Variants in PGBD5 observed in about 807,000 individuals in gnomAD.
PGBD5 encodes the protein piggyBac transposable element derived 5.
In PGBD5, 14 loss-of-function variants were observed where a neutral mutation model predicts 47.9. That is an observed-to-expected ratio of 0.29 (90% confidence interval 0.19 to 0.46). The LOEUF is 0.46. PGBD5 is among the 20% of genes least tolerant of loss of function. The probability of loss-of-function intolerance (pLI) is 1.00; values close to 1 mark genes in which losing one functional copy is unlikely to be tolerated. For missense variants in PGBD5, 635 were observed against 716.0 expected (o/e 0.89, Z 1.29); for synonymous variants, 316 against 306.3 (o/e 1.03, Z -0.33).
In PGBD5 at chr1:230,314,554, C is replaced by T. The variant is rs1311308649; in HGVS notation, c.*8871G>A. 2 of 148,070 alleles carry T rather than the reference C, an allele frequency of 1.4e-5. No homozygotes were observed. The highest frequency in any genetic ancestry group is 4.9e-5 in the African/African-American group (2 of 40,512). 9.2% of individuals were successfully genotyped at this position (148,070 alleles called of 1,614,324 possible). ...ACAAACTTGGTTGAAGAAATAAGAA[C>T]CACATGACAAAATGCTTGAATTAAA... On this transcript the variant is annotated 3_prime_UTR_variant, in exon 7 of 7. Transcript: ENST00000391860.
At chr1:230,411,782 C>T (rs535262382) in intron 1 of PGBD5, among the ~76,000 whole-genome samples, 2 of 152,234 alleles carry the variant, frequency 1.3e-5, no homozygotes, top group Non-Finnish European at 1.5e-5. Context: ...ATCCCAGGAA[C>T]ATAAGGGTAC....
chr1:230,332,556 G>A (rs1338222664), intron 5 of PGBD5, among the ~76,000 whole-genome samples: 1 of 152,202 alleles, frequency 6.6e-6, no homozygotes, highest in African/African-American at 2.4e-5. Flanking sequence ...TTCAAATGCA[G>A]CCATTATCAT....
At chr1:230,396,259 A>C (rs1388183426) in intron 1 of PGBD5, among the ~76,000 whole-genome samples, 2 of 10,562 alleles carry the variant, frequency 1.9e-4, no homozygotes, top group Admixed American at 9.7e-4. Flanking sequence ...TTACCCCCAC[A>C]CTCCTCCTTT....
At chr1:230,325,206 G>A in intron 6 of PGBD5, 104 bp downstream of exon 6, 1 of 875,344 alleles carries the variant, frequency 1.1e-6, no homozygotes, top group Non-Finnish European at 1.8e-6. Flanking sequence ...TCTTCATCCT[G>A]CAGTTCTTAC....
At chr1:230,340,837 A>G (rs1667398015) in intron 3 of PGBD5, among the ~76,000 whole-genome samples, 2 of 152,118 alleles carry the variant, frequency 1.3e-5, no homozygotes, top group African/African-American at 4.8e-5. Context: ...TACGGAAGGC[A>G]GTCCTGCCGC....
intron 3 of PGBD5, among the ~76,000 whole-genome samples, chr1:230,346,958 G>A (rs1667484039): frequency 6.6e-6 from 1 of 152,116 alleles, no homozygotes; most frequent in South Asian, 2.1e-4. Flanking sequence ...ATTTGCATTG[G>A]TGCAGGTCTT....
Position 230,333,034 on chromosome 1 carries a change from G to C in PGBD5, c.1083C>G (p.Tyr361Ter). 6.3e-7 allele frequency: 1 copy of C among 1,594,892 alleles called. No individual in the cohort carries two copies. The highest frequency in any genetic ancestry group is 8.5e-7 in the Non-Finnish European group (1 of 1,171,102). ...TCCGCGCGCGGAGCAAGCCGCAGCAGTAAATCCCTGAGGGGAGAGGGAGGA... is the reference window on the plus strand; with the variant it reads ...TCCGCGCGCGGAGCAAGCCGCAGCACTAAATCCCTGAGGGGAGAGGGAGGA... ...LFEEFEKQGI[Y>*]CCGLLRARKS... The change falls in exon 5 of 7, where the codon TAC becomes TAG. Residue 361 changes from tyrosine to a stop codon, truncating the protein, a stop_gained. Transcript: ENST00000391860. LOFTEE classifies it high-confidence loss of function.
intron 1 of PGBD5, among the ~76,000 whole-genome samples, chr1:230,389,004 T>C (rs1656720071): frequency 1.3e-5 from 2 of 152,124 alleles, no homozygotes; most frequent in Non-Finnish European, 2.9e-5. Flanking sequence ...CCAGCCCCAA[T>C]GCCCTGGGAA....
In PGBD5 at chr1:230,377,626, G is replaced by A. The variant is rs114406800; in HGVS notation, c.332-20305C>T. ...TCGAGTTCTGTAGTCAGGCATATCT[G>A]ACCTACCGAACAGGTGCCCTGGTCA... On this transcript the variant is annotated intron_variant, in intron 1 of 6. Transcript: ENST00000391860. 3.2e-4 allele frequency: 492 copies of A among 1,515,792 alleles called. 2 individuals carry two copies. The African/African-American group carries it at 6.0e-3, about 19-fold the overall frequency. 93.9% of individuals were successfully genotyped at this position (1,515,792 alleles called of 1,614,324 possible).
At chr1:230,368,704 C>T (rs1478560054) in intron 1 of PGBD5, among the ~76,000 whole-genome samples, 5 of 152,348 alleles carry the variant, frequency 3.3e-5, no homozygotes, top group African/African-American at 7.2e-5. Context: ...GGGACAGGGT[C>T]GGTAATGCCT....
Position 230,318,733 on chromosome 1 carries a change from C to T in PGBD5, c.*4692G>A, listed in dbSNP as rs908305385. On this transcript the variant is annotated 3_prime_UTR_variant, in exon 7 of 7. Transcript: ENST00000391860. The stretch of plus-strand genomic sequence containing the variant: ...GACCCCACAGCTGGCTCCACTCCCC[C>T]ACCCCATCCCACTCTCCCCATACTG... 6.6e-6 allele frequency: 1 copy of T among 152,360 alleles called. No homozygotes were observed. Among genetic ancestry groups the T allele is most frequent in the African/African-American group, 2.4e-5 (1 of 41,442 alleles). The allele number at this position is 152,360 out of a possible 1,614,324, so 9.4% of individuals were successfully genotyped here. A position where few individuals can be genotyped will look rare whatever the true frequency, so the allele number is the denominator to read the frequency against.
chr1:230,408,399 G>C (rs887127914), intron 1 of PGBD5, among the ~76,000 whole-genome samples: 1 of 152,114 alleles, frequency 6.6e-6, no homozygotes, highest in Non-Finnish European at 1.5e-5. Flanking sequence ...CTGGGACTGA[G>C]TATGATAAAA....
At chr1:230,410,133 A>T (rs2102749117) in intron 1 of PGBD5, among the ~76,000 whole-genome samples, 1 of 152,350 alleles carries the variant, frequency 6.6e-6, no homozygotes, top group South Asian at 2.1e-4. Flanking sequence ...CAAAATTAAC[A>T]GCAGACAAGC....
At chr1:230,364,016 C>A (rs1401197530) in intron 1 of PGBD5, among the ~76,000 whole-genome samples, 1 of 152,202 alleles carries the variant, frequency 6.6e-6, no homozygotes, top group Non-Finnish European at 1.5e-5. Flanking sequence ...AAGGACAAGC[C>A]TATTGTCTAG....
chr1:230,340,644 C>G (rs1395961000), intron 3 of PGBD5, among the ~76,000 whole-genome samples: 1 of 151,974 alleles, frequency 6.6e-6, no homozygotes, highest in African/African-American at 2.4e-5. Flanking sequence ...CAGGATTACC[C>G]AAGCATAAGA....
rs967765127 is a variant in PGBD5, at chr1:230,357,666, G to A, written c.332-345C>T. Among the ~76,000 whole-genome samples, 2 of 152,176 alleles carry A rather than the reference G, an allele frequency of 1.3e-5. No homozygotes were observed. Among genetic ancestry groups the A allele is most frequent in the Non-Finnish European group, 2.9e-5 (2 of 68,046 alleles). ...GACCGGAGGACAGCCCTCGGGGGGC[G>A]CAGTCACGTGGAATCCCTGCTCTCC... On this transcript the variant is annotated intron_variant, in intron 1 of 6. Transcript: ENST00000391860. This position sits in a 1 kb window ranked among gnomAD's most constrained non-coding sequence, Gnocchi z 5.7.
At chr1:230,382,628 G>T (rs1266134010) in intron 1 of PGBD5, among the ~76,000 whole-genome samples, 1 of 152,188 alleles carries the variant, frequency 6.6e-6, no homozygotes, top group African/African-American at 2.4e-5. Context: ...GCAATCCTAG[G>T]TAAACTAGGG....
chr1:230,327,965 G>C (rs191196914), intron 5 of PGBD5, among the ~76,000 whole-genome samples: 192 of 152,330 alleles, frequency 1.3e-3, no homozygotes, highest in Admixed American at 2.8e-3. Context: ...GGAGGCTCTG[G>C]CCTCTGTAGG....
chr1:230,393,146 AGAG>A (rs1285149550), intron 1 of PGBD5, among the ~76,000 whole-genome samples: 1 of 130,404 alleles, frequency 7.7e-6, no homozygotes, highest in Non-Finnish European at 1.6e-5. Context: ...GGGAGGAAGA[AGAG>A]GAGGAAGGAA....
Sources: gnomAD v4.1 joint callset for allele counts (sites outside exome capture counted in the v4.1 genomes callset) on GRCh38, gnomAD v4.1.1 for gene constraint, Gnocchi (gnomAD v3.1) non-coding constraint, MANE v1.5 for transcripts, NCBI Gene and HGNC (gene_info 2026-07-23, HGNC 2026-07-21) for gene names.